Variants in BBS2 observed in about 807,000 individuals in gnomAD.
BBS2 encodes Bardet-Biedl syndrome 2.
In BBS2, 62 loss-of-function variants were observed where a neutral mutation model predicts 83.0. The observed-to-expected ratio is 0.75, with a 90% CI of 0.61 to 0.92. The LOEUF is 0.92. Among genes scored for constraint, BBS2 ranks in the 40% least tolerant of loss-of-function variants. The pLI, the probability that BBS2 is intolerant of heterozygous loss-of-function variation, is 0.00. For synonymous variants in BBS2, 303 were observed against 326.1 expected (o/e 0.93, Z 0.76); for missense variants, 784 against 901.0 (o/e 0.87, Z 1.66).
chr16:56,480,835 A>G (rs1020258866), downstream of BBS2, among the ~76,000 whole-genome samples: 9 of 152,174 alleles, frequency 5.9e-5, no homozygotes, highest in Non-Finnish European at 4.4e-5. Context: ...TGTCCTGATG[A>G]TTCCCTCTCT....
intron 7 of BBS2, 151 bp from the exon 8 acceptor site, chr16:56,502,959 G>A (rs1294941515): frequency 3.2e-6 from 3 of 932,226 alleles, no homozygotes; most frequent in African/African-American, 1.7e-5. Flanking sequence ...AGATACCTAT[G>A]ACTGCTGGGG....
chr16:56,479,487 AG>A (rs1471325864), downstream of BBS2, among the ~76,000 whole-genome samples: 1 of 152,200 alleles, frequency 6.6e-6, no homozygotes, highest in African/African-American at 2.4e-5. Context: ...CAAAAAAAAT[AG>A]CTTTCTGTTT....
intron 15 of BBS2, among the ~76,000 whole-genome samples, chr16:56,493,182 T>G (rs1964010652): frequency 1.3e-5 from 2 of 151,740 alleles, no homozygotes; most frequent in South Asian, 4.2e-4. Context: ...ATCCCATGAG[T>G]TCAAGACCAG....
chr16:56,481,089 G>A (rs1475702834), downstream of BBS2, among the ~76,000 whole-genome samples: 1 of 152,072 alleles, frequency 6.6e-6, no homozygotes, highest in Non-Finnish European at 1.5e-5. Context: ...TATAATGACA[G>A]GACTGTGCAT....
At chr16:56,492,482 T>G (rs1963983958) in intron 15 of BBS2, among the ~76,000 whole-genome samples, 1 of 152,102 alleles carries the variant, frequency 6.6e-6, no homozygotes, top group South Asian at 2.1e-4. Context: ...AAGAGTAGAA[T>G]GATAGTTGAA....
At chr16:56,501,604 T>C in intron 9 of BBS2, 107 bp from the exon 10 acceptor site, 1 of 1,248,928 alleles carries the variant, frequency 8.0e-7, no homozygotes. Flanking sequence ...CTCCAGCATA[T>C]TATTATTATT....
At chr16:56,517,820 G>A (rs1172799260) in intron 1 of BBS2, among the ~76,000 whole-genome samples, 1 of 146,660 alleles carries the variant, frequency 6.8e-6, no homozygotes, top group Non-Finnish European at 1.5e-5. Context: ...ATTTGTCAGT[G>A]CTTTTTTTTT....
chr16:56,506,139 G>A lies in BBS2; in HGVS notation c.698C>T (p.Ser233Phe). Residue 233 changes from serine to phenylalanine, a missense_variant, in exon 6 of 17, where the codon TCC (serine) becomes TTC (phenylalanine). By Grantham distance (155) the Ser-to-Phe change is radical. Transcript: ENST00000245157. ...NGTVGVYDKT[S>F]RYWRIKSKNH... ...ACTAACTTTAATTCTCCAGTATCGG[G>A]ATGTTTTGTCATAAACTCCAACTGT... is the stretch of plus-strand genomic sequence containing the variant. 1 of 1,613,758 alleles carries A rather than the reference G, an allele frequency of 6.2e-7. No homozygotes were observed. The highest frequency in any genetic ancestry group is 8.5e-7 in the Non-Finnish European group (1 of 1,179,718).
chr16:56,493,938 T>C (rs202211455), intron 15 of BBS2, among the ~76,000 whole-genome samples: 5 of 152,228 alleles, frequency 3.3e-5, no homozygotes, highest in East Asian at 1.9e-4. Flanking sequence ...AATAGTTATG[T>C]TGATACTGAT....
At chr16:56,517,743 A>G (rs1226141913) in intron 1 of BBS2, among the ~76,000 whole-genome samples, 2 of 151,962 alleles carry the variant, frequency 1.3e-5, no homozygotes, top group Non-Finnish European at 2.9e-5. Context: ...TACCAATGGG[A>G]TATTTTCAGC....
At chr16:56,515,360 T>TA (rs1964704020) in intron 1 of BBS2, among the ~76,000 whole-genome samples, 1 of 152,230 alleles carries the variant, frequency 6.6e-6, no homozygotes, top group African/African-American at 2.4e-5. Flanking sequence ...AAATGCAGTC[T>TA]TAAGAGGGGC....
intron 1 of BBS2, among the ~76,000 whole-genome samples, chr16:56,516,993 T>TTTATTATTA (rs879900191): frequency 3.3e-5 from 5 of 150,894 alleles, no homozygotes; most frequent in African/African-American, 1.2e-4. Flanking sequence ...CTTTATTTTA[T>TTTATTATTA]TTATTATTAT....
intron 2 of BBS2, among the ~76,000 whole-genome samples, chr16:56,512,167 T>C (rs778320940): frequency 2.6e-5 from 4 of 152,036 alleles, no homozygotes; most frequent in Non-Finnish European, 5.9e-5. Context: ...CCTTCCAAAA[T>C]GGCTAAAATT....
At chr16:56,492,299 G>A (rs1351765786) in intron 15 of BBS2, among the ~76,000 whole-genome samples, 3 of 152,076 alleles carry the variant, frequency 2.0e-5, no homozygotes, top group African/African-American at 7.2e-5. Context: ...AGAAAATTTA[G>A]TACATATAAA....
chr16:56,500,414 T>G (rs1964233968), intron 11 of BBS2: 1 of 250,616 alleles, frequency 4.0e-6, no homozygotes, highest in Non-Finnish European at 7.8e-6. Context: ...TCACCTGAGG[T>G]CAGGAGTTCA....
chr16:56,492,990 A>G (rs1257459168), intron 15 of BBS2, among the ~76,000 whole-genome samples: 1 of 152,236 alleles, frequency 6.6e-6, no homozygotes, highest in Non-Finnish European at 1.5e-5. Context: ...AAACTGGCTG[A>G]AAAACAGCCA....
chr16:56,495,121 A>ACC (rs1378537863), intron 15 of BBS2, among the ~76,000 whole-genome samples: 1 of 152,176 alleles, frequency 6.6e-6, no homozygotes, highest in Non-Finnish European at 1.5e-5. Flanking sequence ...GCTGATAAAG[A>ACC]AACTGTCTTT....
chr16:56,500,421 T>G, intron 11 of BBS2: 1 of 242,956 alleles, frequency 4.1e-6, no homozygotes, highest in South Asian at 5.1e-5. Context: ...AGGTCAGGAG[T>G]TCAAGACCAG....
chr16:56,515,987 A>G (rs181623165), intron 1 of BBS2: 201 of 152,326 alleles, frequency 1.3e-3, no homozygotes, highest in African/African-American at 4.7e-3. Context: ...CAATTCTTAC[A>G]AAGTTTTCCA....
Sources: allele counts gnomAD v4.1 joint callset (sites outside exome capture counted in the v4.1 genomes callset), GRCh38; gene constraint gnomAD v4.1.1; transcripts MANE v1.5; gene names NCBI Gene and HGNC (gene_info 2026-07-23, HGNC 2026-07-21).